The following FKBP5 variants were observed in gnomAD, a reference collection of about 807,000 sequenced individuals.
The protein encoded by FKBP5 is peptidyl-prolyl cis-trans isomerase FKBP5.
FKBP5 carries 23 observed loss-of-function variants against 50.5 expected under a neutral mutation model. The observed-to-expected ratio is 0.46, with a 90% CI of 0.33 to 0.65. The LOEUF (loss-of-function observed/expected upper bound fraction) is 0.65. Among genes scored for constraint, FKBP5 ranks in the 30% least tolerant of loss-of-function variants. The pLI, the probability that FKBP5 is intolerant of heterozygous loss-of-function variation, is 0.02. For synonymous variants in FKBP5, 176 were observed against 190.6 expected (o/e 0.92, Z 0.63); for missense variants, 411 against 553.1 (o/e 0.74, Z 2.58).
chr6:35,656,766 G>A (rs9296159), intron 1 of FKBP5, among the ~76,000 whole-genome samples: 96,702 of 151,602 alleles, frequency 0.64, 31,143 homozygotes, highest in East Asian at 0.68. Context: ...GCATGGTGGC[G>A]CGTGCCTGTA....
chr6:35,632,310 T>C (rs1004595119), intron 3 of FKBP5, among the ~76,000 whole-genome samples: 2 of 152,158 alleles, frequency 1.3e-5, no homozygotes, highest in African/African-American at 4.8e-5. Flanking sequence ...CTGAGCATTG[T>C]TTCCAAGGTT....
intron 2 of FKBP5, among the ~76,000 whole-genome samples, chr6:35,710,246 A>G (rs1766390678): frequency 6.6e-6 from 1 of 152,152 alleles, no homozygotes; most frequent in Non-Finnish European, 1.5e-5. Context: ...TGGGAGGCTG[A>G]GGTAGGAGGA....
At chr6:35,608,608 G>C (rs1441638090) in intron 5 of FKBP5, among the ~76,000 whole-genome samples, 1 of 152,112 alleles carries the variant, frequency 6.6e-6, no homozygotes, top group African/African-American at 2.4e-5. Context: ...GATGGCTTGA[G>C]GGCAGGAATT....
chr6:35,611,206 C>A (rs937170633), intron 5 of FKBP5, among the ~76,000 whole-genome samples: 4 of 152,194 alleles, frequency 2.6e-5, no homozygotes, highest in African/African-American at 7.2e-5. Flanking sequence ...TCCACTCTTA[C>A]ATTCCTCTCC....
At chr6:35,605,698 G>A (rs752366958) in intron 5 of FKBP5, among the ~76,000 whole-genome samples, 3 of 151,920 alleles carry the variant, frequency 2.0e-5, no homozygotes, top group African/African-American at 4.8e-5. Context: ...GCACCCAGCC[G>A]TCAATATCAT....
intron 1 of FKBP5, among the ~76,000 whole-genome samples, chr6:35,643,476 T>C (rs769236203): frequency 6.6e-6 from 1 of 152,224 alleles, no homozygotes; most frequent in Non-Finnish European, 1.5e-5. Flanking sequence ...TGTAGGGTCA[T>C]TTTTCATCTC....
At chr6:35,631,581 TA>T (rs1764154272) in intron 3 of FKBP5, among the ~76,000 whole-genome samples, 1 of 152,020 alleles carries the variant, frequency 6.6e-6, no homozygotes, top group Non-Finnish European at 1.5e-5. Context: ...AATACCTCAA[TA>T]AAAAAACCAA....
intron 8 of FKBP5, chr6:35,582,868 G>A (rs1183856882): frequency 1.0e-6 from 1 of 968,652 alleles, no homozygotes; most frequent in Non-Finnish European, 1.2e-6. Flanking sequence ...AGCACCAAGA[G>A]GTCTTTAATA....
rs934007408 is a variant in FKBP5, at chr6:35,583,918, T to G, written c.840+3116A>C. ...TGGTGAAAATATAGCAAAGCCCGAT[T>G]TATCTGAAGAGTTTAGAGGTTGAAC... On this transcript the variant is annotated intron_variant, in intron 8 of 10. Coordinates refer to ENST00000357266, the MANE Select transcript of FKBP5 (RefSeq NM_004117.4). The G allele has an allele frequency of 3.0e-6, 3 of 985,290 alleles. No homozygotes were observed. The African/African-American group carries it at 5.2e-5, about 17-fold the overall frequency. The allele number at this position is 985,290 out of a possible 1,614,324, so 61.0% of individuals were successfully genotyped here. A position where few individuals can be genotyped will look rare whatever the true frequency, so the allele number is the denominator to read the frequency against.
At chr6:35,711,749 C>G (rs1766417880) in intron 2 of FKBP5, among the ~76,000 whole-genome samples, 1 of 152,190 alleles carries the variant, frequency 6.6e-6, no homozygotes, top group African/African-American at 2.4e-5. Flanking sequence ...TGTCAAAACT[C>G]ATCAAACTGT....
At position 35,673,683 on chromosome 6, in the gene FKBP5, G is replaced by C. The variant is rs567423262; in HGVS notation, c.-20+15121C>G. On this transcript the variant is annotated intron_variant, in intron 1 of 10. Coordinates refer to ENST00000357266, the MANE Select transcript of FKBP5 (RefSeq NM_004117.4). ...TCTCAAAGCAGATTTTGGAGACTTG[G>C]TTTTAAGTATTAAGAATAGTGAGGC... is the stretch of plus-strand genomic sequence containing the variant. Among the ~76,000 whole-genome samples, 4 of 152,264 alleles carry C rather than the reference G, an allele frequency of 2.6e-5. No homozygotes were observed. In the East Asian group the frequency reaches 5.8e-4, roughly 22 times the overall value.
chr6:35,614,984 G>A (rs149450199), intron 5 of FKBP5, among the ~76,000 whole-genome samples: 3,481 of 151,990 alleles, frequency 0.023, 66 homozygotes, highest in Non-Finnish European at 0.033. Flanking sequence ...ATAGCTGGGC[G>A]TGGTGGCAGG....
At chr6:35,593,126 C>T (rs980676511) in intron 6 of FKBP5, among the ~76,000 whole-genome samples, 1 of 152,206 alleles carries the variant, frequency 6.6e-6, no homozygotes, top group South Asian at 2.1e-4. Context: ...CCTACCCTGA[C>T]TTCCATATTA....
chr6:35,656,159 G>C (rs753524906), intron 1 of FKBP5, among the ~76,000 whole-genome samples: 1 of 152,140 alleles, frequency 6.6e-6, no homozygotes, highest in African/African-American at 2.4e-5. Context: ...GAGAAAAACT[G>C]TACAAGAATA....
chr6:35,647,042 C>A lies in FKBP5; in HGVS notation c.-19-4199G>T, dbSNP rs148867234. ...TTGTTAAAATATCAGTGTCTTGCCT[C>A]AGATTATGCTACTAACAGGAGAGTT... On this transcript the variant is annotated intron_variant, in intron 1 of 10. Coordinates refer to ENST00000357266, the MANE Select transcript of FKBP5 (RefSeq NM_004117.4). Among the ~76,000 whole-genome samples, 1,175 of 152,232 alleles carry A rather than the reference C, an allele frequency of 7.7e-3. 19 individuals are homozygous for A. Among genetic ancestry groups the A allele is most frequent in the African/African-American group, 0.025 (1,046 of 41,540 alleles).
intron 3 of FKBP5, among the ~76,000 whole-genome samples, chr6:35,624,390 T>C (rs564295358): frequency 7.1e-4 from 108 of 152,216 alleles, no homozygotes; most frequent in African/African-American, 2.3e-3. Context: ...TAATCCCAGC[T>C]ACTTGGGAGG....
At chr6:35,583,008 G>A (rs1762483950) in intron 8 of FKBP5, 5 of 896,826 alleles carry the variant, frequency 5.6e-6, no homozygotes, top group Non-Finnish European at 6.7e-6. Context: ...GATCTCTTAA[G>A]TCCAGGAGTT....
intron 2 of FKBP5, among the ~76,000 whole-genome samples, chr6:35,701,406 G>C (rs1581894647): frequency 2.0e-5 from 3 of 151,442 alleles, no homozygotes; most frequent in South Asian, 2.1e-4. Flanking sequence ...ACTACACCCG[G>C]CTAATTTTTT....
At chr6:35,640,228 T>C (rs961833887) in intron 2 of FKBP5, among the ~76,000 whole-genome samples, 3 of 152,258 alleles carry the variant, frequency 2.0e-5, no homozygotes, top group African/African-American at 7.2e-5. Flanking sequence ...TGGCCTGGCC[T>C]ACTTGTACAC....
Sources: gnomAD v4.1 joint callset for allele counts (sites outside exome capture counted in the v4.1 genomes callset) on GRCh38, gnomAD v4.1.1 for gene constraint, MANE v1.5 for transcripts, NCBI Gene and HGNC (gene_info 2026-07-23, HGNC 2026-07-21) for gene names.